CPE: variants seen among roughly 807,000 people sequenced by gnomAD.
The protein encoded by CPE is carbocypeptidase E.
Under a neutral mutation model 53.5 loss-of-function variants are expected in CPE, and 17 were observed. The ratio of observed to expected loss-of-function variants is 0.32; its 90% CI spans 0.22 to 0.48. CPE has a LOEUF of 0.48. CPE is among the 20% of genes least tolerant of loss of function. The pLI is 0.99. For missense variants in CPE, 524 were observed against 614.7 expected (o/e 0.85, Z 1.56); for synonymous variants, 226 against 228.8 (o/e 0.99, Z 0.11).
At chr4:165,424,568 C>T (rs1218124799) in intron 1 of CPE, among the ~76,000 whole-genome samples, 1 of 152,076 alleles carries the variant, frequency 6.6e-6, no homozygotes, top group Non-Finnish European at 1.5e-5. Flanking sequence ...GAGTCTCGCT[C>T]TGTAGCCCAG....
At chr4:165,475,571 G>A (rs933528466) in intron 3 of CPE, among the ~76,000 whole-genome samples, 29 of 152,334 alleles carry the variant, frequency 1.9e-4, no homozygotes, top group Admixed American at 1.4e-3. Flanking sequence ...CCCCTGAGGC[G>A]GATGGTCTAG....
intron 3 of CPE, among the ~76,000 whole-genome samples, chr4:165,468,914 C>G (rs1423043201): frequency 6.6e-6 from 1 of 152,174 alleles, no homozygotes; most frequent in Non-Finnish European, 1.5e-5. Flanking sequence ...AGGTAACCAC[C>G]TTGGTGTAAA....
At chr4:165,380,332 C>T (rs1295961655) in intron 1 of CPE, among the ~76,000 whole-genome samples, 2 of 152,134 alleles carry the variant, frequency 1.3e-5, no homozygotes, top group Non-Finnish European at 2.9e-5. Flanking sequence ...GTGATGGGGT[C>T]TTTATTCCAA....
intron 1 of CPE, among the ~76,000 whole-genome samples, chr4:165,394,036 G>T (rs1488567146): frequency 6.6e-6 from 1 of 152,048 alleles, no homozygotes; most frequent in Admixed American, 6.6e-5. Context: ...AAAAGGAGAG[G>T]GTATGTAGAG....
intron 1 of CPE, among the ~76,000 whole-genome samples, chr4:165,427,192 C>T (rs561305717): frequency 6.6e-6 from 1 of 152,106 alleles, no homozygotes; most frequent in South Asian, 2.1e-4. Flanking sequence ...TAGGCAAGCC[C>T]CTTGTGCAAA....
chr4:165,404,238 C>A, intron 1 of CPE: 4 of 762,120 alleles, frequency 5.2e-6, no homozygotes, highest in South Asian at 1.4e-5. Flanking sequence ...AAGCTGAGCC[C>A]GAAGACGGCT....
Position 165,405,248 on chromosome 4 carries a change from A to G in CPE, c.307+25720A>G, listed in dbSNP as rs556614663. The G allele has an allele frequency of 2.0e-3, 1,758 of 862,048 alleles. 12 individuals carry two copies. Among genetic ancestry groups the G allele is most frequent in the South Asian group, 9.3e-3 (710 of 76,176 alleles). The allele number at this position is 862,048 out of a possible 1,614,324, so 53.4% of individuals were successfully genotyped here. Reference sequence around the variant, plus strand: ...GGAGACTTGGGCAATGCCTGCTCCCATCATCCCTGCACCAGGAATAGCCAG... The same window carrying G: ...GGAGACTTGGGCAATGCCTGCTCCCGTCATCCCTGCACCAGGAATAGCCAG... On this transcript the variant is annotated intron_variant, in intron 1 of 8. Coordinates refer to ENST00000402744, the MANE Select transcript of CPE (RefSeq NM_001873.4).
At chr4:165,446,439 A>C (rs886468127) in intron 1 of CPE, among the ~76,000 whole-genome samples, 3 of 152,234 alleles carry the variant, frequency 2.0e-5, no homozygotes, top group Non-Finnish European at 4.4e-5. Context: ...ATGGCCAATA[A>C]ATGTATGAAA....
chr4:165,403,088 A>G (rs2126662534), intron 1 of CPE, among the ~76,000 whole-genome samples: 1 of 152,254 alleles, frequency 6.6e-6, no homozygotes, highest in Admixed American at 6.5e-5. Flanking sequence ...ACTCAGATTG[A>G]AAAAGTTAAC....
At chr4:165,477,951 A>C (rs1732332613) in intron 3 of CPE, among the ~76,000 whole-genome samples, 1 of 152,070 alleles carries the variant, frequency 6.6e-6, no homozygotes, top group Admixed American at 6.5e-5. Flanking sequence ...TCCTTCTCTA[A>C]GTCGTTTGTC....
intron 1 of CPE, among the ~76,000 whole-genome samples, chr4:165,383,469 G>A (rs761694074): frequency 1.3e-5 from 2 of 152,162 alleles, no homozygotes; most frequent in Non-Finnish European, 2.9e-5. Flanking sequence ...TATGAGTTAA[G>A]ATTAATTTGC....
chr4:165,453,316 C>A (rs1731845445), intron 1 of CPE, among the ~76,000 whole-genome samples: 1 of 149,110 alleles, frequency 6.7e-6, no homozygotes, highest in Non-Finnish European at 1.5e-5. Flanking sequence ...TTTTTCCTTC[C>A]TTCCTTCCTT....
chr4:165,406,048 A>G lies in CPE; in HGVS notation c.307+26520A>G, dbSNP rs753010426. The stretch of plus-strand genomic sequence containing the variant: ...CTAAAATGTTGATATCAGCACCTAC[A>G]ATAAAGCAGCCTGGCTTTGGTGAGA... On this transcript the variant is annotated intron_variant, in intron 1 of 8. Coordinates refer to ENST00000402744, the MANE Select transcript of CPE (RefSeq NM_001873.4). 1.6e-5 allele frequency: 12 copies of G among 758,692 alleles called. No individual in the cohort carries two copies. The East Asian group carries it at 3.0e-4, about 19-fold the overall frequency. 47.0% of individuals were successfully genotyped at this position (758,692 alleles called of 1,614,324 possible).
intron 1 of CPE, among the ~76,000 whole-genome samples, chr4:165,424,402 A>G (rs1731281239): frequency 7.3e-6 from 1 of 136,714 alleles, no homozygotes; most frequent in Non-Finnish European, 1.6e-5. Context: ...GAAAATATAA[A>G]TGACTTATAT....
chr4:165,386,444 A>G (rs981147347), intron 1 of CPE: 78 of 385,088 alleles, frequency 2.0e-4, no homozygotes, highest in African/African-American at 1.5e-3. Flanking sequence ...GCATATCATA[A>G]AACAAAGCCA....
At chr4:165,401,388 A>T (rs115312586) in intron 1 of CPE, among the ~76,000 whole-genome samples, 23 of 152,356 alleles carry the variant, frequency 1.5e-4, no homozygotes, top group African/African-American at 5.3e-4. Flanking sequence ...TATAAGTGAT[A>T]GTCAACATGT....
At chr4:165,399,303 A>G (rs1330289528) in intron 1 of CPE, among the ~76,000 whole-genome samples, 2 of 152,234 alleles carry the variant, frequency 1.3e-5, no homozygotes, top group African/African-American at 4.8e-5. Context: ...AAATGCATCT[A>G]TTCTACTAAT....
rs187600000 is a variant in CPE, at chr4:165,446,142, A to G, written c.308-18248A>G. On this transcript the variant is annotated intron_variant, in intron 1 of 8. Coordinates refer to ENST00000402744, the MANE Select transcript of CPE (RefSeq NM_001873.4). ...TGTCAAAATCAGAATATAAAATAAT[A>G]GAAGAAAAATTTTGATTATATTTAG... Among the ~76,000 whole-genome samples the G allele has an allele frequency of 7.7e-3, 1,176 of 152,280 alleles. 14 individuals are homozygous for G. Among genetic ancestry groups the G allele is most frequent in the African/African-American group, 0.027 (1,130 of 41,562 alleles).
intron 1 of CPE, among the ~76,000 whole-genome samples, chr4:165,451,296 G>T (rs528205894): frequency 1.6e-4 from 24 of 152,068 alleles, no homozygotes; most frequent in Non-Finnish European, 3.1e-4. Flanking sequence ...TGATATTCCT[G>T]TTGGAAGTTT....
Sources: allele counts gnomAD v4.1 joint callset (sites outside exome capture counted in the v4.1 genomes callset), GRCh38; gene constraint gnomAD v4.1.1; transcripts MANE v1.5; gene names NCBI Gene and HGNC (gene_info 2026-07-23, HGNC 2026-07-21).